The following JPH1 variants were observed in gnomAD, a reference collection of about 807,000 sequenced individuals.
The protein encoded by JPH1 is junctophilin-1.
A neutral mutation model predicts 53.6 loss-of-function variants in JPH1; 12 were observed. That is an observed-to-expected ratio of 0.22 (90% CI 0.14 to 0.36). The LOEUF (loss-of-function observed/expected upper bound fraction) is 0.36, where lower values mean the gene tolerates loss of function less well. JPH1 is among the 10% of genes least tolerant of loss of function. The pLI, the probability that JPH1 is intolerant of heterozygous loss-of-function variation, is 1.00. For missense variants in JPH1, 808 were observed against 905.5 expected (o/e 0.89, Z 1.38); for synonymous variants, 375 against 363.8 (o/e 1.03, Z -0.35).
In JPH1 at chr8:74,320,895, G is replaced by C. The variant is rs1808299641; in HGVS notation, c.379+14C>G. 1 of 1,501,692 alleles carries C rather than the reference G, an allele frequency of 6.7e-7. No homozygotes were observed. Among genetic ancestry groups the C allele is most frequent in the Admixed American group, 2.2e-5 (1 of 45,412 alleles). The allele number at this position is 1,501,692 out of a possible 1,614,324, so 93.0% of individuals were successfully genotyped here. ...AGCTCGCGGAGCAGCCGAGCCGCCC[G>C]TTACGCCGCTCACCTCCGTCCCCGT... On this transcript the variant is annotated intron_variant, in intron 1 of 5. Transcript: ENST00000342232. This position sits in a 1 kb window ranked among gnomAD's most constrained non-coding sequence, Gnocchi z 4.4.
intron 3 of JPH1, 53 bp downstream of exon 3, chr8:74,259,332 A>G (rs1474590193): frequency 1.5e-6 from 2 of 1,336,972 alleles, no homozygotes; most frequent in Non-Finnish European, 2.1e-6. Context: ...AGGAAATAAA[A>G]GCAAGCCAAA....
At chr8:74,284,638 A>G (rs1192415822) in intron 2 of JPH1, among the ~76,000 whole-genome samples, 1 of 152,174 alleles carries the variant, frequency 6.6e-6, no homozygotes, top group Non-Finnish European at 1.5e-5. Flanking sequence ...AAATCTGAAT[A>G]TGTTTACCTG....
chr8:74,288,119 A>G (rs954438638), intron 2 of JPH1, among the ~76,000 whole-genome samples: 6 of 152,160 alleles, frequency 3.9e-5, no homozygotes, highest in African/African-American at 1.4e-4. Context: ...TCAGTACAAT[A>G]TTGTCTAATA....
intron 2 of JPH1, among the ~76,000 whole-genome samples, chr8:74,310,859 C>T (rs1807974365): frequency 6.6e-6 from 1 of 152,202 alleles, no homozygotes; most frequent in African/African-American, 2.4e-5. Context: ...AAATAAAAGT[C>T]TCTAAAGCAT....
At chr8:74,243,502 TTTAATTGTTTAATCC>T (rs1452905905) in intron 4 of JPH1, among the ~76,000 whole-genome samples, 1 of 152,230 alleles carries the variant, frequency 6.6e-6, no homozygotes, top group Non-Finnish European at 1.5e-5. Flanking sequence ...ACAGAGGAAT[TTTAATTGTTTAATCC>T]TGTGAGTAAA....
rs748540698 is a variant in JPH1 at position 74,237,257 on chromosome 8, C to A, written c.1952G>T (p.Gly651Val). 1.9e-6 allele frequency: 3 copies of A among 1,613,262 alleles called. No individual in the cohort carries two copies. Among genetic ancestry groups the A allele is most frequent in the African/African-American group, 2.7e-5 (2 of 74,842 alleles). Residue 651 changes from glycine to valine, a missense_variant, in exon 5 of 6, where the codon GGG (glycine) becomes GTG (valine). Gly to Val is a moderately radical substitution (Grantham distance 109). This residue lies in a region of JPH1 where 756 missense variants were observed against 811.9 expected (regional missense o/e 0.93). Coordinates refer to ENST00000342232, the MANE Select transcript of JPH1 (RefSeq NM_020647.4). ...AAAGTGAACAAAAAGAATGGCCAACCCGATATTCAACAGCATGACAAGGAC... is the reference window on the plus strand; with the variant it reads ...AAAGTGAACAAAAAGAATGGCCAACACGATATTCAACAGCATGACAAGGAC... ...MIVLVMLLNI[G>V]LAILFVHFLT is the part of the protein sequence containing the mutation.
intron 3 of JPH1, among the ~76,000 whole-genome samples, chr8:74,257,126 T>C (rs73686059): frequency 0.014 from 2,136 of 152,342 alleles, 64 homozygotes; most frequent in African/African-American, 0.049. Context: ...TCTATACAGT[T>C]GCTGAAGAAA....
At chr8:74,260,323 A>C (rs1370722640) in intron 2 of JPH1, among the ~76,000 whole-genome samples, 1 of 152,188 alleles carries the variant, frequency 6.6e-6, no homozygotes, top group African/African-American at 2.4e-5. Flanking sequence ...GTTATGCGGA[A>C]AGTGGCAGGA....
chr8:74,245,958 C>T (rs1475448804), intron 3 of JPH1, among the ~76,000 whole-genome samples: 2 of 146,224 alleles, frequency 1.4e-5, no homozygotes, highest in African/African-American at 5.0e-5. Flanking sequence ...TGTTATTTTA[C>T]AGGGAGTGAG....
In JPH1 at chr8:74,244,812, G is replaced by A; in HGVS notation, c.1622C>T (p.Pro541Leu). Residue 541 changes from proline (P) to leucine (L), a missense_variant, in exon 4 of 6, where the codon CCC (proline) becomes CTC (leucine). Around this residue, in one of 2 missense-constraint regions of JPH1, gnomAD observed 756 missense variants for 811.9 expected, o/e 0.93. Transcript: ENST00000342232. ...CTGAGAATGCAGCTCCCCGTTACTG[G>A]GGTTGGGGATGTGGTGGCGGCCAGA... ...KYSGRHHIPN[P>L]SNGELHSQYH... 1.2e-6 allele frequency: 2 copies of A among 1,614,174 alleles called. No homozygotes were observed. The highest frequency in any genetic ancestry group is 1.7e-6 in the Non-Finnish European group (2 of 1,180,032).
chr8:74,259,234 A>G, intron 3 of JPH1, 151 bp downstream of exon 3: 1 of 607,638 alleles, frequency 1.6e-6, no homozygotes, highest in Non-Finnish European at 3.0e-6. Flanking sequence ...CTTCAGATGA[A>G]GGATCCTCAA....
At chr8:74,314,196 C>G (rs2131464370) in intron 2 of JPH1, among the ~76,000 whole-genome samples, 1 of 152,350 alleles carries the variant, frequency 6.6e-6, no homozygotes, top group East Asian at 1.9e-4. Context: ...GTGACCTAAT[C>G]TCTTCTGCAT....
intron 2 of JPH1, 84 bp from the exon 3 acceptor site, chr8:74,259,587 GA>G: frequency 2.9e-6 from 3 of 1,020,194 alleles, no homozygotes; most frequent in Non-Finnish European, 4.1e-6. Flanking sequence ...TCTGGGAAAA[GA>G]AATGTTAATT....
intron 2 of JPH1, among the ~76,000 whole-genome samples, chr8:74,283,884 C>T (rs1807084295): frequency 2.0e-5 from 3 of 151,556 alleles, no homozygotes; most frequent in Admixed American, 1.3e-4. Flanking sequence ...AGAATATAAA[C>T]ACCACAGAGC....
chr8:74,317,484 G>A (rs908077798), intron 1 of JPH1, among the ~76,000 whole-genome samples: 1 of 152,126 alleles, frequency 6.6e-6, no homozygotes, highest in African/African-American at 2.4e-5. Flanking sequence ...TCCAAATACC[G>A]CCATCTTAAC....
Position 74,237,044 on chromosome 8 carries a change from T to C in JPH1, c.*16-9A>G, listed in dbSNP as rs1402101173. 6 of 588,456 alleles carry C rather than the reference T, an allele frequency of 1.0e-5. No homozygotes were observed. The highest frequency in any genetic ancestry group is 6.3e-5 in the Admixed American group (2 of 31,784). The allele number at this position is 588,456 out of a possible 1,614,324, so 36.5% of individuals were successfully genotyped here. ...TAGTTGTCAGGACTTCACTGAAGGG[T>C]CAAAACAGTTATAGCAATTAAGTAA... On this transcript the variant is annotated splice_polypyrimidine_tract_variant and intron_variant, in intron 5 of 5. Transcript: ENST00000342232.
intron 2 of JPH1, among the ~76,000 whole-genome samples, chr8:74,289,462 TA>T (rs1437155131): frequency 2.0e-5 from 3 of 152,186 alleles, no homozygotes; most frequent in African/African-American, 7.2e-5. Context: ...GCAATAAACA[TA>T]ACCCTGCAGT....
chr8:74,252,915 A>G (rs1430268161), intron 3 of JPH1, among the ~76,000 whole-genome samples: 144 of 143,270 alleles, frequency 1.0e-3, no homozygotes, highest in Admixed American at 1.8e-3. Context: ...ACCTAGAAAG[A>G]GACTTAGACT....
chr8:74,289,972 C>T (rs1409852217), intron 2 of JPH1, among the ~76,000 whole-genome samples: 1 of 152,048 alleles, frequency 6.6e-6, no homozygotes, highest in Non-Finnish European at 1.5e-5. Context: ...TTTGGTTTGC[C>T]AGTATTTTAT....
Sources: gnomAD v4.1 joint callset for allele counts (sites outside exome capture counted in the v4.1 genomes callset) on GRCh38, gnomAD v4.1.1 for gene constraint, gnomAD v4.1.1 regional missense constraint, Gnocchi (gnomAD v3.1) non-coding constraint, MANE v1.5 for transcripts, NCBI Gene and HGNC (gene_info 2026-07-23, HGNC 2026-07-21) for gene names.